The following BCAR3 variants were observed in gnomAD, a reference collection of about 807,000 sequenced individuals.
The protein encoded by BCAR3 is BCAR3 adaptor protein, NSP family member.
In BCAR3, 37 loss-of-function variants were observed where a neutral mutation model predicts 80.1. The ratio of observed to expected loss-of-function variants is 0.46; its 90% CI spans 0.36 to 0.61. The LOEUF is 0.61. BCAR3 is among the 20% of genes least tolerant of loss of function. The pLI is 0.00. For synonymous variants in BCAR3, 389 were observed against 418.9 expected (o/e 0.93, Z 0.87); for missense variants, 978 against 1,068.2 (o/e 0.92, Z 1.18).
At chr1:93,733,711 A>C (rs574682551) in intron 2 of BCAR3, among the ~76,000 whole-genome samples, 70 of 152,296 alleles carry the variant, frequency 4.6e-4, no homozygotes, top group African/African-American at 1.6e-3. Flanking sequence ...CTCTTAGAAC[A>C]TATGTGTGCA....
chr1:93,769,314 A>G (rs1440585244), intron 2 of BCAR3, among the ~76,000 whole-genome samples: 1 of 151,516 alleles, frequency 6.6e-6, no homozygotes, highest in Admixed American at 6.6e-5. Context: ...GCCAAGTTGG[A>G]CACAGGTGAT....
At chr1:93,597,087 A>C (rs888764718) in intron 3 of BCAR3, among the ~76,000 whole-genome samples, 1 of 152,226 alleles carries the variant, frequency 6.6e-6, no homozygotes, top group African/African-American at 2.4e-5. Context: ...TTAGAGGCAC[A>C]GGGAGAGTAA....
At chr1:93,579,724 G>A (rs557691841) in intron 7 of BCAR3, among the ~76,000 whole-genome samples, 20 of 152,298 alleles carry the variant, frequency 1.3e-4, no homozygotes, top group African/African-American at 4.8e-4. Flanking sequence ...CATTCCCCTG[G>A]GAATCGGGCT....
chr1:93,755,115 A>G (rs980735684), intron 2 of BCAR3, among the ~76,000 whole-genome samples: 6 of 152,208 alleles, frequency 3.9e-5, no homozygotes, highest in Non-Finnish European at 8.8e-5. Flanking sequence ...TAAAAATAGA[A>G]AAAAGCTTAA....
intron 3 of BCAR3, among the ~76,000 whole-genome samples, chr1:93,623,461 T>C (rs1675370886): frequency 6.6e-6 from 1 of 152,138 alleles, no homozygotes; most frequent in Non-Finnish European, 1.5e-5. Context: ...AACAGAGTCC[T>C]TCCCTGAGAC....
intron 2 of BCAR3, among the ~76,000 whole-genome samples, chr1:93,646,269 C>T (rs1253398039): frequency 1.3e-5 from 2 of 152,030 alleles, no homozygotes; most frequent in East Asian, 3.9e-4. Context: ...CCCAGATACC[C>T]ATGACTTAAG....
chr1:93,587,701 CA>C (rs71586802), intron 5 of BCAR3, among the ~76,000 whole-genome samples: 34 of 143,158 alleles, frequency 2.4e-4, no homozygotes, highest in East Asian at 4.1e-4. Context: ...ACCCCCCCGC[CA>C]AAAAAAAAAA....
At chr1:93,618,463 G>A (rs191046405) in intron 3 of BCAR3, among the ~76,000 whole-genome samples, 1 of 152,330 alleles carries the variant, frequency 6.6e-6, no homozygotes, top group East Asian at 1.9e-4. Flanking sequence ...TCTCTGCTGG[G>A]CCTTCTGTCT....
In BCAR3 at chr1:93,592,418, C is replaced by T. The variant is rs781031829; in HGVS notation, c.358-25G>A. 4 of 1,573,526 alleles carry T rather than the reference C, an allele frequency of 2.5e-6. No individual in the cohort carries two copies. The highest frequency in any genetic ancestry group is 3.4e-6 in the Non-Finnish European group (4 of 1,166,786). ...ACTGCAACACAGAGTCAACCATGAGCTCACCCTGCCCAGGCCACACCAGGC... is the reference window on the plus strand; with the variant it reads ...ACTGCAACACAGAGTCAACCATGAGTTCACCCTGCCCAGGCCACACCAGGC... On this transcript the variant is annotated intron_variant, in intron 3 of 11. Coordinates refer to ENST00000260502, the MANE Select transcript of BCAR3 (RefSeq NM_003567.4). The surrounding 1 kb of genome is among the most constrained non-coding windows in gnomAD (Gnocchi z 4.8).
At chr1:93,760,861 A>G (rs546180295) in intron 2 of BCAR3, among the ~76,000 whole-genome samples, 3 of 152,304 alleles carry the variant, frequency 2.0e-5, no homozygotes, top group Admixed American at 6.5e-5. Flanking sequence ...CTGTGGCCCA[A>G]GGAATAGAGG....
intron 2 of BCAR3, among the ~76,000 whole-genome samples, chr1:93,762,943 G>C (rs1475702754): frequency 6.6e-6 from 1 of 152,034 alleles, no homozygotes; most frequent in Non-Finnish European, 1.5e-5. Context: ...ACCACTCCTT[G>C]CCTGTTCTTC....
chr1:93,756,188 G>A (rs928026981), intron 2 of BCAR3, among the ~76,000 whole-genome samples: 1 of 152,200 alleles, frequency 6.6e-6, no homozygotes, highest in Non-Finnish European at 1.5e-5. Flanking sequence ...TTAATTGCAT[G>A]CAGTGGTCTA....
rs1654317208 is a variant in BCAR3 at position 93,824,503 on chromosome 1, C to T, written c.-63+21064G>A. Among the ~76,000 whole-genome samples, 2 of 133,190 alleles carry T rather than the reference C, an allele frequency of 1.5e-5. 1 individual carries two copies. The highest frequency in any genetic ancestry group is 1.6e-4 in the Admixed American group (2 of 12,786). 87.4% of individuals were successfully genotyped at this position (133,190 alleles called of 152,430 possible). ...AGGGCTAGGCTGGGCTCCTCCAACA[C>T]ACAGACTACAGGCCTCCGGTGACAA... On this transcript the variant is annotated intron_variant, in intron 2 of 13. Coordinates refer to the BCAR3 transcript ENST00000370244.
chr1:93,801,651 CTGTT>C (rs1446959956), intron 2 of BCAR3, among the ~76,000 whole-genome samples: 1 of 152,172 alleles, frequency 6.6e-6, no homozygotes, highest in East Asian at 1.9e-4. Context: ...TGGTCTGCAG[CTGTT>C]TGTTTATGAA....
At chr1:93,660,029 T>C (rs991289474) in intron 2 of BCAR3, among the ~76,000 whole-genome samples, 1 of 152,080 alleles carries the variant, frequency 6.6e-6, no homozygotes, top group Non-Finnish European at 1.5e-5. Context: ...AGTTGCTCCA[T>C]GTATGTTGGT....
intron 3 of BCAR3, among the ~76,000 whole-genome samples, chr1:93,693,224 G>C (rs1257038214): frequency 1.3e-5 from 2 of 152,216 alleles, no homozygotes; most frequent in African/African-American, 4.8e-5. Context: ...CCCAGTACAG[G>C]GGAAATTTCT....
chr1:93,827,791 G>A lies in BCAR3; in HGVS notation c.-63+17776C>T, dbSNP rs559220243. 5.9e-5 allele frequency among the ~76,000 whole-genome samples: 9 copies of A among 152,158 alleles called. No homozygotes were observed. In the East Asian group the frequency reaches 1.2e-3, roughly 20 times the overall value. ...GGAAGGAGAAAGTATGTAGGGGAGA[G>A]AGAGAGAAGTGATGGACAGTGTTGG... On this transcript the variant is annotated intron_variant, in intron 2 of 13. Transcript: ENST00000370244.
chr1:93,619,408 C>G (rs537747911), intron 3 of BCAR3, among the ~76,000 whole-genome samples: 1 of 152,278 alleles, frequency 6.6e-6, no homozygotes, highest in East Asian at 1.9e-4. Context: ...CATCCATATA[C>G]CCCTTGGAGT....
chr1:93,596,107 A>T (rs1412293507), intron 3 of BCAR3, among the ~76,000 whole-genome samples: 1 of 152,156 alleles, frequency 6.6e-6, no homozygotes, highest in East Asian at 1.9e-4. Context: ...TGTGTCCTCT[A>T]ATTGATCTAA....
Sources: gnomAD v4.1 joint callset for allele counts (sites outside exome capture counted in the v4.1 genomes callset) on GRCh38, gnomAD v4.1.1 for gene constraint, Gnocchi (gnomAD v3.1) non-coding constraint, MANE v1.5 for transcripts, NCBI Gene and HGNC (gene_info 2026-07-23, HGNC 2026-07-21) for gene names.